The following SDK1 variants were observed in gnomAD, a reference collection of about 807,000 sequenced individuals.
SDK1 encodes protein sidekick-1.
A neutral mutation model predicts 245.5 loss-of-function variants in SDK1; 157 were observed. The observed-to-expected ratio is 0.64, with a 90% confidence interval of 0.56 to 0.73. The LOEUF (loss-of-function observed/expected upper bound fraction) is 0.73. SDK1 is among the 30% of genes least tolerant of loss of function. The pLI is 0.00. For synonymous variants in SDK1, 1,647 were observed against 1,278.5 expected (o/e 1.29, Z -6.15); for missense variants, 3,583 against 3,002.3 (o/e 1.19, Z -4.52).
intron 41 of SDK1, among the ~76,000 whole-genome samples, chr7:4,234,167 A>C (rs1287050366): frequency 6.6e-6 from 1 of 152,282 alleles, no homozygotes; most frequent in East Asian, 1.9e-4. Flanking sequence ...CGGGGATAGT[A>C]GCTGCTCTGG....
chr7:3,706,245 C>G (rs1784886043), intron 4 of SDK1, among the ~76,000 whole-genome samples: 1 of 152,126 alleles, frequency 6.6e-6, no homozygotes. Flanking sequence ...GCTGTTATGT[C>G]TTTCCTGGCT....
chr7:3,435,953 C>T (rs2128586430), intron 1 of SDK1, among the ~76,000 whole-genome samples: 1 of 152,338 alleles, frequency 6.6e-6, no homozygotes, highest in South Asian at 2.1e-4. Context: ...AAAAGCAGAA[C>T]TGTTGCTCTG....
chr7:3,815,792 AT>A (rs1191540929), intron 4 of SDK1, among the ~76,000 whole-genome samples: 2 of 150,744 alleles, frequency 1.3e-5, no homozygotes, highest in African/African-American at 2.5e-5. Flanking sequence ...CAGAATATAC[AT>A]TTTTTTCAGC....
At chr7:4,230,902 G>T (rs1785719422) in intron 40 of SDK1, among the ~76,000 whole-genome samples, 2 of 152,204 alleles carry the variant, frequency 1.3e-5, no homozygotes, top group African/African-American at 4.8e-5. Flanking sequence ...TCCACAGGCT[G>T]TGCGTAAGTC....
At chr7:3,575,731 T>G (rs1407838032) in intron 1 of SDK1, among the ~76,000 whole-genome samples, 2 of 152,074 alleles carry the variant, frequency 1.3e-5, no homozygotes, top group East Asian at 3.9e-4. Context: ...TCATTTTTTT[T>G]GTTCTCCCAG....
intron 27 of SDK1, 34 bp from the exon 28 acceptor site, chr7:4,132,291 T>G: frequency 6.5e-7 from 1 of 1,550,238 alleles, no homozygotes; most frequent in South Asian, 1.1e-5. Context: ...GAACACTGTC[T>G]TGAGATCTGA....
intron 5 of SDK1, among the ~76,000 whole-genome samples, chr7:3,883,931 A>C (rs530540242): frequency 2.0e-5 from 3 of 152,164 alleles, no homozygotes; most frequent in Non-Finnish European, 2.9e-5. Context: ...GAAGTCACCA[A>C]ACTTAAAAAT....
At chr7:3,331,605 A>C (rs976408748) in intron 1 of SDK1, among the ~76,000 whole-genome samples, 7 of 152,176 alleles carry the variant, frequency 4.6e-5, no homozygotes, top group African/African-American at 1.7e-4. Context: ...TTGAAGTGCA[A>C]AAGCGTTTAA....
At chr7:3,700,116 G>A (rs1228824003) in intron 4 of SDK1, among the ~76,000 whole-genome samples, 1 of 152,138 alleles carries the variant, frequency 6.6e-6, no homozygotes, top group African/African-American at 2.4e-5. Context: ...TATCCTTCAG[G>A]AATGAAGGGG....
intron 5 of SDK1, among the ~76,000 whole-genome samples, chr7:3,928,817 A>T (rs1013451070): frequency 1.3e-5 from 2 of 152,230 alleles, no homozygotes; most frequent in Admixed American, 1.3e-4. Context: ...ACAGATGAGG[A>T]AACTAAGTCC....
chr7:4,070,494 A>C (rs1304575746), intron 20 of SDK1, among the ~76,000 whole-genome samples: 6 of 152,182 alleles, frequency 3.9e-5, no homozygotes, highest in African/African-American at 1.4e-4. Flanking sequence ...AGGTCACTGC[A>C]GCATCCCAGG....
At chr7:4,041,272 G>A (rs1281557986) in intron 17 of SDK1, among the ~76,000 whole-genome samples, 1 of 147,892 alleles carries the variant, frequency 6.8e-6, no homozygotes, top group Non-Finnish European at 1.5e-5. Flanking sequence ...GGAACCACAT[G>A]CATAGTTTTG....
chr7:3,623,241 A>ATT (rs1233354631), intron 2 of SDK1, among the ~76,000 whole-genome samples: 2 of 117,196 alleles, frequency 1.7e-5, no homozygotes, highest in South Asian at 2.6e-4. Flanking sequence ...CAAGTGTTGT[A>ATT]TTTCTTTTTT....
At chr7:4,231,585 A>T (rs1423773487) in intron 40 of SDK1, among the ~76,000 whole-genome samples, 3 of 149,586 alleles carry the variant, frequency 2.0e-5, no homozygotes, top group Non-Finnish European at 4.5e-5. Flanking sequence ...AAAAAAAAAA[A>T]GAAAGGAAGA....
At chr7:3,949,512 A>C (rs531505412) in intron 5 of SDK1, among the ~76,000 whole-genome samples, 26 of 152,336 alleles carry the variant, frequency 1.7e-4, no homozygotes, top group African/African-American at 6.0e-4. Context: ...GCTGCCGCTC[A>C]CGATGGTGGC....
chr7:3,636,349 C>G (rs558886528), intron 2 of SDK1, among the ~76,000 whole-genome samples: 1 of 152,150 alleles, frequency 6.6e-6, no homozygotes, highest in Non-Finnish European at 1.5e-5. Context: ...ACTTCCTGCC[C>G]TTGGATTCCT....
intron 5 of SDK1, among the ~76,000 whole-genome samples, chr7:3,933,700 C>T (rs780029614): frequency 1.6e-4 from 24 of 152,092 alleles, no homozygotes; most frequent in African/African-American, 3.1e-4. Context: ...GGTGGGAATA[C>T]GTGAGAAAAA....
At chr7:3,974,688 C>G in intron 13 of SDK1, 143 bp downstream of exon 13, 3 of 665,544 alleles carry the variant, frequency 4.5e-6, no homozygotes, top group Admixed American at 3.1e-5. Flanking sequence ...TGCTGCATAA[C>G]TACATATATG....
intron 1 of SDK1, among the ~76,000 whole-genome samples, chr7:3,397,091 A>G (rs933540364): frequency 5.3e-5 from 8 of 151,892 alleles, no homozygotes; most frequent in African/African-American, 1.9e-4. Flanking sequence ...TAATCCTGGC[A>G]TAATTTCAAA....
Sources: allele counts gnomAD v4.1 joint callset (sites outside exome capture counted in the v4.1 genomes callset), GRCh38; gene constraint gnomAD v4.1.1; transcripts MANE v1.5; gene names NCBI Gene and HGNC (gene_info 2026-07-23, HGNC 2026-07-21).